KIAA0753: variants seen among roughly 807,000 people sequenced by gnomAD.
The protein encoded by KIAA0753 is protein moonraker.
KIAA0753 carries 114 observed loss-of-function variants against 116.9 expected under a neutral mutation model. The observed-to-expected ratio is 0.98, with a 90% confidence interval of 0.84 to 1.14. The LOEUF is 1.14. Among genes scored for constraint, KIAA0753 ranks in the 50% most tolerant of loss-of-function variants. The probability of loss-of-function intolerance (pLI) is 0.00; values close to 1 mark genes in which losing one functional copy is unlikely to be tolerated. For missense variants in KIAA0753, 1,156 were observed against 1,172.4 expected (o/e 0.99, Z 0.20); for synonymous variants, 405 against 413.1 (o/e 0.98, Z 0.24).
chr17:6,590,556 T>A lies in KIAA0753; in HGVS notation c.2515A>T (p.Lys839Ter). ...PIRITKTVDR[K>*]DPAVNIMLER... ...AACATGATGTTCACGGCTGGATCCT[T>A]GCGATCCACTGTCTTCGTGATTCTG... is the stretch of plus-strand genomic sequence containing the variant. The change falls in exon 17 of 19, where the codon AAG becomes TAG. Residue 839 changes from lysine (K) to a stop codon, truncating the protein, a stop_gained. Coordinates refer to ENST00000361413, the MANE Select transcript of KIAA0753 (RefSeq NM_014804.3). LOFTEE classifies it high-confidence loss of function. 3 of 1,613,844 alleles carry A rather than the reference T, an allele frequency of 1.9e-6. No individual in the cohort carries two copies. Among genetic ancestry groups the A allele is most frequent in the Non-Finnish European group, 1.7e-6 (2 of 1,179,712 alleles).
chr17:6,596,230 G>A lies in KIAA0753; in HGVS notation c.2286C>T (p.Thr762=), dbSNP rs1401182047. The change falls in exon 15 of 19, where the codon ACC becomes ACT. Residue 762 remains threonine (T), a synonymous_variant. Coordinates refer to ENST00000361413, the MANE Select transcript of KIAA0753 (RefSeq NM_014804.3). ...VTHAKILGSE[T]LATVEDSKDS... is the part of the protein sequence containing the mutation. The stretch of plus-strand genomic sequence containing the variant: ...CCTTGCTGTCCTCAACGGTGGCTAA[G>A]GTTTCAGACCCCAAGATCTTAGCAT... 2 of 1,613,890 alleles carry A rather than the reference G, an allele frequency of 1.2e-6. No homozygotes were observed. Among genetic ancestry groups the A allele is most frequent in the Admixed American group, 1.7e-5 (1 of 60,008 alleles).
At chr17:6,630,168 C>A (rs1212146401) in intron 2 of KIAA0753, among the ~76,000 whole-genome samples, 1 of 151,434 alleles carries the variant, frequency 6.6e-6, no homozygotes, top group Non-Finnish European at 1.5e-5. Context: ...ATAAAAAGAT[C>A]AAAACTGAAT....
At chr17:6,607,139 T>TAGG in intron 11 of KIAA0753, 42 bp downstream of exon 11, 9 of 1,492,118 alleles carry the variant, frequency 6.0e-6, no homozygotes, top group Non-Finnish European at 8.4e-6. Flanking sequence ...AGATGTAGAA[T>TAGG]AGGCCTGCTT....
Position 6,589,953 on chromosome 17 carries a change from G to T in KIAA0753, c.2612C>A (p.Ala871Asp). The change falls in exon 18 of 19, where the codon GCC (alanine) becomes GAC (aspartate). Residue 871 changes from alanine to aspartate, a missense_variant. Physicochemically the swap from Ala to Asp is moderately radical, Grantham distance 126. Transcript: ENST00000361413. ...ATCTTCGGCTAGGGAGAGAAGAGGG[G>T]CCTCTCTTTTCTCTGATCCTTCCTC... ...GTEEGSEKRE[A>D]PLLSLAEDSQ... is the part of the protein sequence containing the mutation. 5 of 1,604,220 alleles carry T rather than the reference G, an allele frequency of 3.1e-6. No individual in the cohort carries two copies. Among genetic ancestry groups the T allele is most frequent in the South Asian group, 1.1e-5 (1 of 89,392 alleles).
intron 18 of KIAA0753, among the ~76,000 whole-genome samples, chr17:6,584,550 T>C (rs1968424083): frequency 6.6e-6 from 1 of 152,140 alleles, no homozygotes; most frequent in African/African-American, 2.4e-5. Flanking sequence ...TGTATCTGTT[T>C]TTCTTCTTCT....
chr17:6,614,916 AG>A (rs1970780645), intron 7 of KIAA0753, among the ~76,000 whole-genome samples: 1 of 152,166 alleles, frequency 6.6e-6, no homozygotes, highest in Non-Finnish European at 1.5e-5. Flanking sequence ...CTCCTGCCTC[AG>A]CCTCCTGAGC....
intron 18 of KIAA0753, among the ~76,000 whole-genome samples, chr17:6,582,599 T>C (rs1968259486): frequency 6.6e-6 from 1 of 152,248 alleles, no homozygotes. Context: ...CTTTTTCATT[T>C]AATGTTATTC....
At chr17:6,586,519 A>C (rs1040507211) in intron 18 of KIAA0753, among the ~76,000 whole-genome samples, 7 of 152,070 alleles carry the variant, frequency 4.6e-5, no homozygotes, top group Non-Finnish European at 8.8e-5. Flanking sequence ...ATTTTTATTG[A>C]TATTTCTTGT....
intron 2 of KIAA0753, 150 bp downstream of exon 2, chr17:6,634,861 G>T: frequency 1.7e-6 from 1 of 591,674 alleles, no homozygotes; most frequent in Non-Finnish European, 3.0e-6. Flanking sequence ...AAATTTTAAA[G>T]ACAGATGGTT....
intron 10 of KIAA0753, 105 bp from the exon 11 acceptor site, chr17:6,607,375 A>G: frequency 1.2e-6 from 1 of 846,356 alleles, no homozygotes; most frequent in South Asian, 1.4e-5. Flanking sequence ...GCAGAGCACC[A>G]ATCCAGGCTC....
Position 6,628,256 on chromosome 17 carries a change from G to T in KIAA0753, c.579C>A (p.Thr193=), listed in dbSNP as rs267605023. 74 of 1,614,026 alleles carry T rather than the reference G, an allele frequency of 4.6e-5. No homozygotes were observed. The highest frequency in any genetic ancestry group is 6.0e-5 in the Non-Finnish European group (71 of 1,180,042). The change falls in exon 3 of 19, where the codon ACC becomes ACA. Residue 193 remains threonine (T), a synonymous_variant. Transcript: ENST00000361413. ...GATGAGGCTGAAGTCCCGGATCATG[G>T]GTGGGTGGCGAATTTGGCACAGTAA... ...SDLTVPNSPP[T]HDPGLQPHPR...
chr17:6,611,826 G>C (rs1970567322), intron 8 of KIAA0753, 93 bp downstream of exon 8: 1 of 952,322 alleles, frequency 1.1e-6, no homozygotes, highest in Admixed American at 2.1e-5. Context: ...GCATCCAATT[G>C]CCTGAGAACT....
intron 18 of KIAA0753, among the ~76,000 whole-genome samples, chr17:6,582,885 CT>C (rs149931372): frequency 0.021 from 3,132 of 152,318 alleles, 101 homozygotes; most frequent in African/African-American, 0.07. Flanking sequence ...CCCTTCCTGA[CT>C]TATATTCTTA....
At chr17:6,624,054 T>G (rs990809313) in intron 4 of KIAA0753, 2 of 152,512 alleles carry the variant, frequency 1.3e-5, no homozygotes, top group African/African-American at 4.8e-5. Context: ...ACTCAGGCAT[T>G]TTCTTTTAAA....
intron 12 of KIAA0753, 58 bp from the exon 13 acceptor site, chr17:6,600,516 A>C: frequency 7.2e-7 from 1 of 1,383,418 alleles, no homozygotes; most frequent in Non-Finnish European, 1.0e-6. Flanking sequence ...CCTATTTTGC[A>C]TATTTATTTG....
Position 6,640,630 on chromosome 17 carries a change from A to T in KIAA0753, c.-69+7T>A, listed in dbSNP as rs927405742. ...CAGAATCCCCCCCAGCCCCGGCCCG[A>T]GCCCACCTGGCCTAGGGTGAGGCGC... On this transcript the variant is annotated splice_region_variant and intron_variant, in intron 1 of 18. Coordinates refer to ENST00000361413, the MANE Select transcript of KIAA0753 (RefSeq NM_014804.3). 1 of 154,246 alleles carries T rather than the reference A, an allele frequency of 6.5e-6. No homozygotes were observed. Among genetic ancestry groups the T allele is most frequent in the Non-Finnish European group, 1.4e-5 (1 of 69,322 alleles). 9.6% of individuals were successfully genotyped at this position (154,246 alleles called of 1,614,324 possible).
chr17:6,622,269 T>C (rs1971377838), intron 6 of KIAA0753, among the ~76,000 whole-genome samples: 1 of 152,210 alleles, frequency 6.6e-6, no homozygotes, highest in Non-Finnish European at 1.5e-5. Context: ...ACAACAGCAG[T>C]AAAACCCATT....
At chr17:6,625,012 T>G (rs995289501) in intron 3 of KIAA0753, 151 bp from the exon 4 acceptor site, 2 of 599,944 alleles carry the variant, frequency 3.3e-6, no homozygotes, top group Non-Finnish European at 5.8e-6. Flanking sequence ...AATTTCATTT[T>G]TCATCAGCCA....
chr17:6,591,811 T>C (rs34153425), intron 16 of KIAA0753, among the ~76,000 whole-genome samples: 2,133 of 152,346 alleles, frequency 0.014, 16 homozygotes, highest in East Asian at 0.026. Context: ...AGAAAGATGC[T>C]AAAATGCCCA....
Sources: gnomAD v4.1 joint callset for allele counts (sites outside exome capture counted in the v4.1 genomes callset) on GRCh38, gnomAD v4.1.1 for gene constraint, MANE v1.5 for transcripts, NCBI Gene and HGNC (gene_info 2026-07-23, HGNC 2026-07-21) for gene names.